NREP: variants seen among roughly 807,000 people sequenced by gnomAD.
The protein encoded by NREP is neuronal regeneration related protein, also known as neuronal regeneration-related protein.
A neutral mutation model predicts 8.6 loss-of-function variants in NREP; 5 were observed. That is an observed-to-expected ratio of 0.58 (90% confidence interval 0.30 to 1.22). NREP has a LOEUF of 1.22. NREP is among the 50% of genes most tolerant of loss of function. The pLI is 0.07. For synonymous variants in NREP, 27 were observed against 28.0 expected, an observed-to-expected ratio of 0.96 and a Z score of 0.11; for missense variants, 86 against 82.5, an observed-to-expected ratio of 1.04 and a Z score of -0.17.
intron 2 of NREP, among the ~76,000 whole-genome samples, chr5:111,966,805 T>G (rs201549994): frequency 6.6e-6 from 1 of 152,202 alleles, no homozygotes; most frequent in Non-Finnish European, 1.5e-5. Flanking sequence ...GTCCTCTTTC[T>G]CCATTTTTCC....
intron 2 of NREP, among the ~76,000 whole-genome samples, chr5:111,942,735 C>T (rs1049290553): frequency 1.2e-4 from 18 of 151,800 alleles, no homozygotes; most frequent in Admixed American, 3.3e-4. Flanking sequence ...CTGTCATCAC[C>T]CATATAATTA....
chr5:111,909,915 G>C (rs545281399), intron 2 of NREP, among the ~76,000 whole-genome samples: 2 of 152,146 alleles, frequency 1.3e-5, no homozygotes, highest in East Asian at 1.9e-4. Context: ...ACTATTAAAT[G>C]CTTCTTTCAT....
chr5:111,891,310 A>G (rs1263681383), intron 2 of NREP, among the ~76,000 whole-genome samples: 1 of 152,228 alleles, frequency 6.6e-6, no homozygotes, highest in Non-Finnish European at 1.5e-5. Context: ...TCTGATTTCC[A>G]TCTGAGATTT....
intron 2 of NREP, among the ~76,000 whole-genome samples, chr5:111,934,434 G>C (rs933900694): frequency 6.6e-6 from 1 of 151,930 alleles, no homozygotes; most frequent in African/African-American, 2.4e-5. Context: ...TAGGGGAAGA[G>C]GAGGAAAGAG....
chr5:111,823,258 AC>A (rs34365856), intron 2 of NREP, among the ~76,000 whole-genome samples: 1 of 152,102 alleles, frequency 6.6e-6, no homozygotes, highest in Admixed American at 6.6e-5. Context: ...GAGAGATACA[AC>A]CCCATGACCC....
intron 2 of NREP, among the ~76,000 whole-genome samples, chr5:111,753,336 A>ATATATATATATATATG (rs1750490977): frequency 2.7e-5 from 4 of 146,744 alleles, no homozygotes; most frequent in East Asian, 3.9e-4. Context: ...GATTTTATAT[A>ATATATATATATATATG]TATATATATA....
At chr5:111,920,379 G>A (rs193056568) in intron 2 of NREP, among the ~76,000 whole-genome samples, 9 of 152,088 alleles carry the variant, frequency 5.9e-5, no homozygotes, top group East Asian at 1.9e-4. Flanking sequence ...TGTCATGGTG[G>A]TTTGCTGCAC....
chr5:111,826,381 T>C (rs1050315756), intron 2 of NREP, among the ~76,000 whole-genome samples: 1 of 152,212 alleles, frequency 6.6e-6, no homozygotes, highest in African/African-American at 2.4e-5. Context: ...AGTTTTGTTG[T>C]TTTGCTTTTG....
chr5:111,945,514 G>T (rs1423322381), intron 2 of NREP, among the ~76,000 whole-genome samples: 1 of 28,308 alleles, frequency 3.5e-5, no homozygotes. Context: ...AAAGGAAAAA[G>T]AAGAAAAAGG....
chr5:111,974,436 T>C (rs34931), intron 2 of NREP: 57,376 of 152,012 alleles, frequency 0.38, 11,241 homozygotes, highest in South Asian at 0.57. Context: ...CATGGGACAA[T>C]TGACCTGCCT....
intron 2 of NREP, among the ~76,000 whole-genome samples, chr5:111,880,941 G>A (rs934190984): frequency 6.6e-6 from 1 of 152,132 alleles, no homozygotes; most frequent in African/African-American, 2.4e-5. Context: ...GAGGTACCGG[G>A]TTCATCTCAC....
At chr5:111,957,219 T>A (rs1287345263) in intron 2 of NREP, among the ~76,000 whole-genome samples, 5 of 152,010 alleles carry the variant, frequency 3.3e-5, no homozygotes, top group Middle Eastern at 3.4e-3. Flanking sequence ...TTTAAAATGG[T>A]AATTAACATC....
chr5:111,964,855 CA>C (rs58877839), intron 2 of NREP, among the ~76,000 whole-genome samples: 7,129 of 43,738 alleles, frequency 0.16, 233 homozygotes, highest in Non-Finnish European at 0.25. Flanking sequence ...CTTTCAGCAG[CA>C]AAAAAAAAAA....
At chr5:111,776,383 G>A (rs1029019585) in intron 2 of NREP, among the ~76,000 whole-genome samples, 22 of 152,090 alleles carry the variant, frequency 1.4e-4, no homozygotes, top group African/African-American at 4.8e-4. Flanking sequence ...GATCAAAATT[G>A]GAACATCTAT....
chr5:111,757,401 T>C (rs1750792799), upstream of NREP: 1 of 966,018 alleles, frequency 1.0e-6, no homozygotes, highest in Non-Finnish European at 1.2e-6. Context: ...TCCAAGAGTG[T>C]GTGTGTCTCT....
At chr5:111,790,575 C>T (rs57440476) in intron 2 of NREP, among the ~76,000 whole-genome samples, 2,099 of 151,982 alleles carry the variant, frequency 0.014, 57 homozygotes, top group African/African-American at 0.049. Flanking sequence ...ACCTGAGCAG[C>T]AGAATGATAT....
chr5:111,973,258 C>T (rs1449531131), intron 2 of NREP, among the ~76,000 whole-genome samples: 1 of 20,830 alleles, frequency 4.8e-5, no homozygotes, highest in Non-Finnish European at 1.2e-4. Context: ...AATTTGCTAC[C>T]CCCTTTTAAA....
intron 2 of NREP, among the ~76,000 whole-genome samples, chr5:111,876,366 T>G (rs2112505167): frequency 1.3e-5 from 2 of 152,328 alleles, no homozygotes; most frequent in South Asian, 4.1e-4. Context: ...TATCACTTGT[T>G]TCTTGGTTTC....
intron 2 of NREP, among the ~76,000 whole-genome samples, chr5:111,867,867 C>G (rs1208314360): frequency 6.6e-6 from 1 of 151,860 alleles, no homozygotes; most frequent in Non-Finnish European, 1.5e-5. Flanking sequence ...TTAACCAGTT[C>G]AAACTGTATA....
Sources: allele counts gnomAD v4.1 joint callset (sites outside exome capture counted in the v4.1 genomes callset), GRCh38; gene constraint gnomAD v4.1.1; transcripts MANE v1.5; gene names NCBI Gene and HGNC (gene_info 2026-07-23, HGNC 2026-07-21).